Variants in INVS observed in about 807,000 individuals in gnomAD.
INVS encodes inversion of embryo turning homolog.
Under a neutral mutation model 108.8 loss-of-function variants are expected in INVS, and 86 were observed. The ratio of observed to expected loss-of-function variants is 0.79; its 90% CI spans 0.66 to 0.95. The LOEUF (loss-of-function observed/expected upper bound fraction) is 0.95. Ranked by LOEUF, INVS falls within the 40% of genes least tolerant of loss-of-function variation. INVS has a pLI of 0.00. For missense variants in INVS, 1,169 were observed against 1,297.4 expected, an observed-to-expected ratio of 0.90 and a Z score of 1.52; for synonymous variants, 455 against 473.5, an observed-to-expected ratio of 0.96 and a Z score of 0.51.
chr9:100,275,096 G>C (rs1278371466), intron 12 of INVS, among the ~76,000 whole-genome samples: 1 of 152,132 alleles, frequency 6.6e-6, no homozygotes, highest in Non-Finnish European at 1.5e-5. Flanking sequence ...ATACTATGTT[G>C]TACTCTTCTC....
chr9:100,213,737 G>A (rs1830905622), intron 3 of INVS, among the ~76,000 whole-genome samples: 1 of 152,132 alleles, frequency 6.6e-6, no homozygotes, highest in Admixed American at 6.5e-5. Context: ...AAGTTGCAGA[G>A]GCTGCACACA....
At chr9:100,100,433 C>T (rs906623241) in intron 1 of INVS, among the ~76,000 whole-genome samples, 1 of 149,266 alleles carries the variant, frequency 6.7e-6, no homozygotes, top group East Asian at 2.0e-4. Context: ...ACTCATTATT[C>T]AAGAAATTAA....
chr9:100,205,936 T>G (rs969914069), intron 3 of INVS, among the ~76,000 whole-genome samples: 4 of 152,142 alleles, frequency 2.6e-5, no homozygotes, highest in African/African-American at 4.8e-5. Context: ...AATCATCTAC[T>G]ACTAACTTCT....
At chr9:100,110,879 C>G (rs948840980) in intron 2 of INVS, among the ~76,000 whole-genome samples, 2 of 152,142 alleles carry the variant, frequency 1.3e-5, no homozygotes, top group Admixed American at 1.3e-4. Context: ...TTTATAAAAT[C>G]TCAAGTCCTC....
At chr9:100,238,755 G>T (rs565724931) in intron 5 of INVS, among the ~76,000 whole-genome samples, 2 of 152,210 alleles carry the variant, frequency 1.3e-5, no homozygotes, top group East Asian at 1.9e-4. Flanking sequence ...GTTAATCTTT[G>T]TGATGACATT....
chr9:100,242,838 A>G (rs918909525), intron 7 of INVS, among the ~76,000 whole-genome samples, 159 bp downstream of exon 7: 1 of 152,102 alleles, frequency 6.6e-6, no homozygotes, highest in South Asian at 2.1e-4. Context: ...TATTTTTCCA[A>G]TAAGCTTTTT....
chr9:100,102,532 C>G (rs145067974), intron 1 of INVS: 5 of 152,234 alleles, frequency 3.3e-5, no homozygotes, highest in African/African-American at 9.6e-5. Context: ...GACGGCAAGA[C>G]CTAGATACCT....
chr9:100,159,589 C>G (rs191907372), intron 3 of INVS, among the ~76,000 whole-genome samples: 1 of 152,228 alleles, frequency 6.6e-6, no homozygotes, highest in East Asian at 1.9e-4. Flanking sequence ...AACACAAATA[C>G]ATAAAAAATA....
At chr9:100,248,848 G>A (rs1412886536) in intron 8 of INVS, among the ~76,000 whole-genome samples, 3 of 151,750 alleles carry the variant, frequency 2.0e-5, no homozygotes, top group Non-Finnish European at 1.5e-5. Context: ...CTTTCTGTTT[G>A]TGTCCTGCTC....
At chr9:100,114,782 T>C (rs1381840439) in intron 2 of INVS, among the ~76,000 whole-genome samples, 5 of 152,232 alleles carry the variant, frequency 3.3e-5, no homozygotes, top group Non-Finnish European at 7.3e-5. Flanking sequence ...TTCATTCCTT[T>C]TTATTAGTGA....
chr9:100,139,389 A>C (rs1828345613), intron 3 of INVS, among the ~76,000 whole-genome samples: 1 of 152,118 alleles, frequency 6.6e-6, no homozygotes, highest in African/African-American at 2.4e-5. Flanking sequence ...TATATATTCT[A>C]CCTTTCAGAG....
At chr9:100,209,163 GA>G (rs1830760190) in intron 3 of INVS, among the ~76,000 whole-genome samples, 1 of 152,116 alleles carries the variant, frequency 6.6e-6, no homozygotes, top group Non-Finnish European at 1.5e-5. Flanking sequence ...GCAGTATTGG[GA>G]AAAAGGAAAT....
chr9:100,261,782 A>G (rs1023833145), intron 10 of INVS, among the ~76,000 whole-genome samples: 1 of 152,192 alleles, frequency 6.6e-6, no homozygotes, highest in Admixed American at 6.5e-5. Context: ...TTGCTGTGCC[A>G]TATTGAATTG....
At chr9:100,170,093 T>C (rs983647125) in intron 3 of INVS, among the ~76,000 whole-genome samples, 1 of 152,250 alleles carries the variant, frequency 6.6e-6, no homozygotes, top group Admixed American at 6.5e-5. Context: ...TTTAGAATTA[T>C]GGTTATCTAA....
chr9:100,204,419 G>A (rs764293946), intron 3 of INVS, among the ~76,000 whole-genome samples: 3 of 152,142 alleles, frequency 2.0e-5, no homozygotes, highest in South Asian at 2.1e-4. Context: ...GTTTTAAATC[G>A]ACTTAGACCA....
At chr9:100,150,076 C>G (rs1356098414) in intron 3 of INVS, among the ~76,000 whole-genome samples, 1 of 152,112 alleles carries the variant, frequency 6.6e-6, no homozygotes. Context: ...TCCTGTCAAA[C>G]CTCCAAAGAA....
intron 3 of INVS, among the ~76,000 whole-genome samples, chr9:100,221,341 T>C (rs1223773204): frequency 6.6e-6 from 1 of 151,246 alleles, no homozygotes; most frequent in Non-Finnish European, 1.5e-5. Context: ...TCTTCTCTGA[T>C]ACCCAGGCCG....
At chr9:100,130,226 C>G (rs1828014653) in intron 3 of INVS, 1 of 152,118 alleles carries the variant, frequency 6.6e-6, no homozygotes. Flanking sequence ...TCTGTCAGTT[C>G]CAGGCTTTTG....
intron 5 of INVS, among the ~76,000 whole-genome samples, chr9:100,238,376 T>G (rs185502235): frequency 1.3e-5 from 2 of 152,364 alleles, no homozygotes; most frequent in African/African-American, 4.8e-5. Flanking sequence ...TCTCTCAGGC[T>G]GCTTTTACAT....
Sources: gnomAD v4.1 joint callset for allele counts (sites outside exome capture counted in the v4.1 genomes callset) on GRCh38, gnomAD v4.1.1 for gene constraint, MANE v1.5 for transcripts, NCBI Gene and HGNC (gene_info 2026-07-23, HGNC 2026-07-21) for gene names.